The following PIEZO2 variants were observed in gnomAD, a reference collection of about 807,000 sequenced individuals.
The protein encoded by PIEZO2 is piezo type mechanosensitive ion channel component 2, also known as piezo-type mechanosensitive ion channel component 2.
PIEZO2 carries 172 observed loss-of-function variants against 337.3 expected under a neutral mutation model. The ratio of observed to expected loss-of-function variants is 0.51; its 90% CI spans 0.45 to 0.58. The LOEUF is 0.58. Among genes scored for constraint, PIEZO2 ranks in the 20% least tolerant of loss-of-function variants. The pLI, the probability that PIEZO2 is intolerant of heterozygous loss-of-function variation, is 0.00. For missense variants in PIEZO2, 3,028 were observed against 3,391.3 expected (o/e 0.89, Z 2.66); for synonymous variants, 1,251 against 1,228.5 (o/e 1.02, Z -0.38).
chr18:10,715,574 C>T lies in PIEZO2; in HGVS notation c.5256+76G>A. 4 of 1,339,296 alleles carry T rather than the reference C, an allele frequency of 3.0e-6. No homozygotes were observed. The East Asian group carries it at 1.0e-4, about 35-fold the overall frequency. 83.0% of individuals were successfully genotyped at this position (1,339,296 alleles called of 1,614,324 possible). A position where few individuals can be genotyped will look rare whatever the true frequency, so the allele number is the denominator to read the frequency against. The stretch of plus-strand genomic sequence containing the variant: ...AAGAAAGGGCTTTGTCTTATCCTAC[C>T]TGGAGTTTTGGACATTGACTTTTAA... On this transcript the variant is annotated intron_variant, in intron 38 of 55. Coordinates refer to ENST00000674853, the MANE Select transcript of PIEZO2 (RefSeq NM_001378183.1).
At position 10,676,801 on chromosome 18, in the gene PIEZO2, G is replaced by A. The variant is rs2034025937; in HGVS notation, c.8081+946C>T. ...TCCACTGAGGGTGAACGAGTGAAGT[G>A]GGTACCCACGATCGGGTGGCAGACA... On this transcript the variant is annotated intron_variant, in intron 53 of 55. Coordinates refer to ENST00000674853, the MANE Select transcript of PIEZO2 (RefSeq NM_001378183.1). This position sits in a 1 kb window ranked among gnomAD's most constrained non-coding sequence, Gnocchi z 5.1. 6.6e-6 allele frequency among the ~76,000 whole-genome samples: 1 copy of A among 152,224 alleles called. No individual in the cohort carries two copies. Among genetic ancestry groups the A allele is most frequent in the Non-Finnish European group, 1.5e-5 (1 of 68,046 alleles).
chr18:10,920,791 C>T (rs1435308538), intron 3 of PIEZO2, among the ~76,000 whole-genome samples: 1 of 152,150 alleles, frequency 6.6e-6, no homozygotes, highest in African/African-American at 2.4e-5. Context: ...CGGTGGCTCA[C>T]ACCTGAAATC....
Position 10,940,964 on chromosome 18 carries a change from C to A in PIEZO2, c.287-29736G>T, listed in dbSNP as rs2032693775. Among the ~76,000 whole-genome samples the A allele has an allele frequency of 6.6e-6, 1 of 152,004 alleles. No homozygotes were observed. The stretch of plus-strand genomic sequence containing the variant: ...ATGGCTCTGCATTTCTTCTAAATAA[C>A]AAGGATTTTTGGTATTTACTAAAAA... On this transcript the variant is annotated intron_variant, in intron 3 of 55. Coordinates refer to ENST00000674853, the MANE Select transcript of PIEZO2 (RefSeq NM_001378183.1). This position sits in a 1 kb window ranked among gnomAD's most constrained non-coding sequence, Gnocchi z 5.3.
At chr18:10,896,219 A>T (rs1482329366) in intron 4 of PIEZO2, among the ~76,000 whole-genome samples, 1 of 152,184 alleles carries the variant, frequency 6.6e-6, no homozygotes, top group East Asian at 1.9e-4. Flanking sequence ...GAATGAGTCA[A>T]ACAGAGCAGC....
At chr18:10,703,876 C>A (rs8090622) in intron 42 of PIEZO2, among the ~76,000 whole-genome samples, 48,452 of 151,822 alleles carry the variant, frequency 0.32, 8,089 homozygotes, top group African/African-American at 0.41. Flanking sequence ...ACGTATGGAA[C>A]TTTACGTTTA....
rs1210037693 is a variant in PIEZO2, at chr18:10,850,608, T to A, written c.917+4745A>T. 6.6e-6 allele frequency among the ~76,000 whole-genome samples: 1 copy of A among 152,238 alleles called. No homozygotes were observed. The highest frequency in any genetic ancestry group is 1.5e-5 in the Non-Finnish European group (1 of 68,046). On this transcript the variant is annotated intron_variant, in intron 7 of 55. Transcript: ENST00000674853. This position sits in a 1 kb window ranked among gnomAD's most constrained non-coding sequence, Gnocchi z 4.5. ...CTCAGGGGTTGACTAAATTCTAATA[T>A]AGCTACACAATCACTTTGCACTCTA...
In PIEZO2 at chr18:10,937,822, T is replaced by C. The variant is rs115758149; in HGVS notation, c.287-26594A>G. 1.7e-3 allele frequency among the ~76,000 whole-genome samples: 263 copies of C among 152,340 alleles called. 2 individuals carry two copies. The highest frequency in any genetic ancestry group is 5.9e-3 in the African/African-American group (245 of 41,576). On this transcript the variant is annotated intron_variant, in intron 3 of 55. Transcript: ENST00000674853. ...TGACATTTTGCTGAGTTATGCTCTATGTTCTCATAGCCTTTGCCTGGACTT... is the reference window on the plus strand; with the variant it reads ...TGACATTTTGCTGAGTTATGCTCTACGTTCTCATAGCCTTTGCCTGGACTT...
At chr18:10,995,973 A>G (rs1444656682) in intron 2 of PIEZO2, among the ~76,000 whole-genome samples, 1 of 152,212 alleles carries the variant, frequency 6.6e-6, no homozygotes, top group African/African-American at 2.4e-5. Flanking sequence ...ATAAAAGAAA[A>G]CAAATAACTA....
Position 11,094,697 on chromosome 18 carries a change from T to C in PIEZO2, c.65-28475A>G, listed in dbSNP as rs1315452053. Among the ~76,000 whole-genome samples the C allele has an allele frequency of 6.6e-6, 1 of 152,220 alleles. No homozygotes were observed. The highest frequency in any genetic ancestry group is 1.5e-5 in the Non-Finnish European group (1 of 68,038). On this transcript the variant is annotated intron_variant, in intron 1 of 55. Transcript: ENST00000674853. This position sits in a 1 kb window ranked among gnomAD's most constrained non-coding sequence, Gnocchi z 4.4. ...TTCCTTTTGAATTTTTCTGTACAGA[T>C]TCTAACAGGAAAGAAAAATGGGAGC... is the stretch of plus-strand genomic sequence containing the variant.
chr18:10,770,259 G>T lies in PIEZO2; in HGVS notation c.2835C>A (p.Phe945Leu). The part of the protein sequence containing the change: ...HLVIDRLTVL[F>L]LKFLEYFHKL... ...TGTGAAAATACTCCAGGAATTTTAAGAAGAGCACAGTGAGGCGGTCAATCA... is the reference window on the plus strand; with the variant it reads ...TGTGAAAATACTCCAGGAATTTTAATAAGAGCACAGTGAGGCGGTCAATCA... The change falls in exon 21 of 56, where the codon TTC becomes TTA. Residue 945 changes from phenylalanine (F) to leucine (L), a missense_variant. By Grantham distance (22) the Phe-to-Leu change is conservative (BLOSUM62 0). Around this residue, in one of 5 missense-constraint regions of PIEZO2, gnomAD observed 1,925 missense variants for 2,051.9 expected, o/e 0.94. Coordinates refer to ENST00000674853, the MANE Select transcript of PIEZO2 (RefSeq NM_001378183.1). 6.5e-7 allele frequency: 1 copy of T among 1,537,724 alleles called. No homozygotes were observed. The highest frequency in any genetic ancestry group is 8.7e-7 in the Non-Finnish European group (1 of 1,147,002).
chr18:10,876,526 T>C (rs913831858), intron 4 of PIEZO2, among the ~76,000 whole-genome samples: 2 of 152,212 alleles, frequency 1.3e-5, no homozygotes, highest in African/African-American at 4.8e-5. Flanking sequence ...TAGTTTTTAA[T>C]AAGTCTTTAA....
intron 3 of PIEZO2, among the ~76,000 whole-genome samples, chr18:10,913,671 C>T (rs1287554356): frequency 6.6e-6 from 1 of 152,060 alleles, no homozygotes; most frequent in African/African-American, 2.4e-5. Flanking sequence ...TAAGTCCCAT[C>T]TTCCTACTTC....
chr18:10,689,590 A>G, intron 49 of PIEZO2, 65 bp downstream of exon 49: 3 of 1,605,728 alleles, frequency 1.9e-6, no homozygotes, highest in South Asian at 1.1e-5. Context: ...GTTCACATTC[A>G]TCTTATAACC....
chr18:10,964,565 A>C (rs1014521593), intron 3 of PIEZO2, among the ~76,000 whole-genome samples: 1 of 152,226 alleles, frequency 6.6e-6, no homozygotes, highest in Non-Finnish European at 1.5e-5. Context: ...AATACGGTAT[A>C]CTTTTTTTCT....
Position 10,744,217 on chromosome 18 carries a change from A to G in PIEZO2, c.4439T>C (p.Phe1480Ser), listed in dbSNP as rs1338242999. Residue 1480 changes from phenylalanine to serine, a missense_variant, in exon 31 of 56, where the codon TTC becomes TCC. Physicochemically the swap from Phe to Ser is radical, Grantham distance 155 (BLOSUM62 -2). Coordinates refer to ENST00000674853, the MANE Select transcript of PIEZO2 (RefSeq NM_001378183.1). ...QILASRGAEL[F>S]QATIVKAVKA... ...TACAGCTTTTACAATTGTGGCCTGG[A>G]AAAGTTCAGCTCCTCTAAAGGGAAA... 3.9e-6 allele frequency: 6 copies of G among 1,535,772 alleles called. No individual in the cohort carries two copies. The highest frequency in any genetic ancestry group is 5.2e-6 in the Non-Finnish European group (6 of 1,145,742).
chr18:10,827,949 T>C (rs1189851), intron 7 of PIEZO2, among the ~76,000 whole-genome samples: 25,593 of 152,140 alleles, frequency 0.17, 2,569 homozygotes, highest in African/African-American at 0.28. Context: ...AAATCTGTCC[T>C]GTGCAAAACA....
rs1391829655 is a variant in PIEZO2, at chr18:10,859,316, C to A, written c.493-2105G>T. The stretch of plus-strand genomic sequence containing the variant: ...ACTTCCGCTCCCCTAGAGAACAATT[C>A]CCATCTCATTCTCAGAGGATGACCT... On this transcript the variant is annotated intron_variant, in intron 5 of 55. Transcript: ENST00000674853. The surrounding 1 kb of genome is among the most constrained non-coding windows in gnomAD (Gnocchi z 4.9). 6.6e-6 allele frequency among the ~76,000 whole-genome samples: 1 copy of A among 152,194 alleles called. No individual in the cohort carries two copies. Among genetic ancestry groups the A allele is most frequent in the East Asian group, 1.9e-4 (1 of 5,188 alleles).
At chr18:10,984,720 A>G (rs550773290) in intron 2 of PIEZO2, among the ~76,000 whole-genome samples, 1 of 152,282 alleles carries the variant, frequency 6.6e-6, no homozygotes, top group South Asian at 2.1e-4. Context: ...GAGTGAAACA[A>G]ACATACAGAT....
chr18:10,980,422 A>G lies in PIEZO2; in HGVS notation c.161-762T>C, dbSNP rs2034620633. On this transcript the variant is annotated intron_variant, in intron 2 of 55. Transcript: ENST00000674853. This position sits in a 1 kb window ranked among gnomAD's most constrained non-coding sequence, Gnocchi z 4.8. ...ATAATAAAGCAAACATCCTGTTTAT[A>G]GTGGAATTTTAGACTTAGTCCCACC... Among the ~76,000 whole-genome samples the G allele has an allele frequency of 6.6e-6, 1 of 152,212 alleles. No individual in the cohort carries two copies. The highest frequency in any genetic ancestry group is 2.4e-5 in the African/African-American group (1 of 41,472).
Sources: allele counts gnomAD v4.1 joint callset (sites outside exome capture counted in the v4.1 genomes callset), GRCh38; gene constraint gnomAD v4.1.1; regional missense constraint gnomAD v4.1.1; non-coding constraint Gnocchi (gnomAD v3.1); transcripts MANE v1.5; gene names NCBI Gene and HGNC (gene_info 2026-07-23, HGNC 2026-07-21).